The following ZNF665 variants were observed in gnomAD, a reference collection of about 807,000 sequenced individuals.
ZNF665 encodes zinc finger protein 665.
ZNF665 carries 6 observed loss-of-function variants against 7.9 expected under a neutral mutation model. The ratio of observed to expected loss-of-function variants is 0.76; its 90% CI spans 0.42 to 1.50. The LOEUF is 1.50. Ranked by LOEUF, ZNF665 falls within the 40% of genes most tolerant of loss-of-function variation. The pLI is 0.01. For missense variants in ZNF665, 819 were observed against 806.7 expected (o/e 1.02, Z -0.18); for synonymous variants, 242 against 274.5 (o/e 0.88, Z 1.17).
Position 53,165,332 on chromosome 19 carries a change from A to G in ZNF665, c.1158T>C (p.His386=). Residue 386 remains histidine (H), a synonymous_variant, in exon 4 of 4, where the codon CAT becomes CAC. Transcript: ENST00000396424. ...CNECGKAFSM[H]SNLTKHQIIH... is the part of the protein sequence containing the mutation. ...TGATCTGATGCTTAGTTAAGTTTGA[A>G]TGCATACTGAAGGCTTTCCCACACT... is the stretch of plus-strand genomic sequence containing the variant. The G allele has an allele frequency of 6.2e-7, 1 of 1,613,020 alleles. No individual in the cohort carries two copies. Among genetic ancestry groups the G allele is most frequent in the Non-Finnish European group, 8.5e-7 (1 of 1,179,488 alleles).
At chr19:53,173,949 A>G (rs1471180780) in intron 3 of ZNF665, among the ~76,000 whole-genome samples, 1 of 152,126 alleles carries the variant, frequency 6.6e-6, no homozygotes, top group Non-Finnish European at 1.5e-5. Flanking sequence ...CTTGTCACCC[A>G]CACCCACAAA....
At chr19:53,171,538 T>TTC (rs2090659254) in intron 3 of ZNF665, among the ~76,000 whole-genome samples, 1 of 125,234 alleles carries the variant, frequency 8.0e-6, no homozygotes, top group Non-Finnish European at 1.7e-5. Context: ...TTTTTTTTTT[T>TTC]TTCTTTTTTT....
At chr19:53,176,079 T>C (rs1422853936) in intron 2 of ZNF665, among the ~76,000 whole-genome samples, 2 of 152,150 alleles carry the variant, frequency 1.3e-5, no homozygotes, top group African/African-American at 4.8e-5. Context: ...CAGAATCACT[T>C]GAACCTGGGA....
In ZNF665 at chr19:53,173,468, G is replaced by A. The variant is rs537532342; in HGVS notation, c.142+1977C>T. ...CAGCTCGCTGCAACCTCTGCCTCCC[G>A]GGTTCAAGTGATTCTTCTGCCTCAG... is the stretch of plus-strand genomic sequence containing the variant. On this transcript the variant is annotated intron_variant, in intron 3 of 3. Transcript: ENST00000396424. Among the ~76,000 whole-genome samples, 28 of 143,546 alleles carry A rather than the reference G, an allele frequency of 2.0e-4. No individual in the cohort carries two copies. In the East Asian group the frequency reaches 2.9e-3, roughly 15 times the overall value. 94.2% of individuals were successfully genotyped at this position (143,546 alleles called of 152,430 possible).
chr19:53,169,171 G>A (rs1568656874), intron 3 of ZNF665, among the ~76,000 whole-genome samples: 1 of 152,032 alleles, frequency 6.6e-6, no homozygotes, highest in African/African-American at 2.4e-5. Flanking sequence ...ATCTGATAAA[G>A]ACTTTGTATC....
chr19:53,173,372 C>CTTTTTTTTT (rs34425717), intron 3 of ZNF665, among the ~76,000 whole-genome samples: 2 of 78,878 alleles, frequency 2.5e-5, no homozygotes, highest in Non-Finnish European at 4.6e-5. Context: ...TTTTTTCACT[C>CTTTTTTTTT]TTTTTTTTTT....
At chr19:53,172,347 T>C (rs928743214) in intron 3 of ZNF665, among the ~76,000 whole-genome samples, 1 of 152,164 alleles carries the variant, frequency 6.6e-6, no homozygotes, top group Admixed American at 6.5e-5. Flanking sequence ...AATTTCCACA[T>C]AATTTTTCAT....
At position 53,164,745 on chromosome 19, in the gene ZNF665, T is replaced by C. The variant is rs887290968; in HGVS notation, c.1745A>G (p.His582Arg). The C allele has an allele frequency of 4.3e-6, 7 of 1,614,092 alleles. No homozygotes were observed. The highest frequency in any genetic ancestry group is 2.7e-5 in the African/African-American group (2 of 74,930). ...GACCTGATGGGTAGCTAGGTTTGAA[T>C]GTACACTAAATGCTTTGCCGCACTC... Reference protein sequence around the residue: ...CNECGKAFSVHSNLATHQVIH... With the variant: ...CNECGKAFSVRSNLATHQVIH... Residue 582 changes from histidine (H) to arginine (R), a missense_variant, in exon 4 of 4, where the codon CAT (histidine) becomes CGT (arginine). By Grantham distance (29) the His-to-Arg change is conservative. Transcript: ENST00000396424.
Position 53,193,311 on chromosome 19 carries a change from C to G in ZNF665, c.-46+1G>C, listed in dbSNP as rs2090832551. ...TTTAATCTAGATAGAGGGAAACTCA[C>G]GCGGCGACTAACAGCCTTCACTCCA... On this transcript the variant is annotated splice_donor_variant, in intron 1 of 3. Transcript: ENST00000396424. LOFTEE classifies it low-confidence loss of function (5UTR_SPLICE). 6.6e-6 allele frequency: 1 copy of G among 152,148 alleles called. No homozygotes were observed. Among genetic ancestry groups the G allele is most frequent in the African/African-American group, 2.4e-5 (1 of 41,376 alleles). The allele number at this position is 152,148 out of a possible 1,614,324, so 9.4% of individuals were successfully genotyped here. A position where few individuals can be genotyped will look rare whatever the true frequency, so the allele number is the denominator to read the frequency against.
At position 53,165,807 on chromosome 19, in the gene ZNF665, T is replaced by C. The variant is rs767830924; in HGVS notation, c.683A>G (p.His228Arg). 5.0e-6 allele frequency: 8 copies of C among 1,614,190 alleles called. No individual in the cohort carries two copies. Among genetic ancestry groups the C allele is most frequent in the Non-Finnish European group, 5.9e-6 (7 of 1,180,024 alleles). Residue 228 changes from histidine to arginine, a missense_variant, in exon 4 of 4, where the codon CAT (histidine) becomes CGT (arginine). Physicochemically the swap from His to Arg is conservative, Grantham distance 29 (BLOSUM62 0). Coordinates refer to ENST00000396424, the MANE Select transcript of ZNF665 (RefSeq NM_024733.5). ...RSNLTIHQVI[H>R]TGEKPYKCNE... The stretch of plus-strand genomic sequence containing the variant: ...ACATTTGTAAGGTTTTTCTCCAGTA[T>C]GGATGACCTGATGGATTGTTAGGTT...
rs967568627 is a variant in ZNF665, at chr19:53,165,740, T to A, written c.750A>T (p.Ala250=). 6.2e-7 allele frequency: 1 copy of A among 1,614,100 alleles called. No homozygotes were observed. The highest frequency in any genetic ancestry group is 1.7e-5 in the Admixed American group (1 of 60,012). ...CTCCAGTATGAATTCTCTGATGACC[T>A]GCAAGGTTTGAAGGTTGACTGAAGA... ...GKVFSQPSNL[A]GHQRIHTGEK... The change falls in exon 4 of 4, where the codon GCA becomes GCT. Residue 250 remains alanine, a synonymous_variant. Transcript: ENST00000396424.
intron 1 of ZNF665, among the ~76,000 whole-genome samples, chr19:53,183,798 A>G (rs1246560646): frequency 6.6e-6 from 1 of 152,164 alleles, no homozygotes; most frequent in African/African-American, 2.4e-5. Flanking sequence ...GAAGGCCCTG[A>G]GGCAGGAGCA....
chr19:53,183,766 T>C (rs1484391648), intron 1 of ZNF665, among the ~76,000 whole-genome samples: 3 of 152,052 alleles, frequency 2.0e-5, no homozygotes, highest in Non-Finnish European at 4.4e-5. Flanking sequence ...GCCAGAGTCC[T>C]AGGCAGAGGG....
chr19:53,164,976 C>G lies in ZNF665; in HGVS notation c.1514G>C (p.Trp505Ser), dbSNP rs2090595820. Residue 505 changes from tryptophan to serine, a missense_variant, in exon 4 of 4, where the codon TGG (tryptophan) becomes TCG (serine). Physicochemically the swap from Trp to Ser is radical, Grantham distance 177. Coordinates refer to ENST00000396424, the MANE Select transcript of ZNF665 (RefSeq NM_024733.5). ...AGGTTTTTCTCCAGTATGAACTCTCCAATGCCTTGCAAGTTGTGATGTTTG... is the reference window on the plus strand; with the variant it reads ...AGGTTTTTCTCCAGTATGAACTCTCGAATGCCTTGCAAGTTGTGATGTTTG... ...FSQTSQLARH[W>S]RVHTGEKPYK... 6.2e-7 allele frequency: 1 copy of G among 1,613,790 alleles called. No homozygotes were observed. The highest frequency in any genetic ancestry group is 8.5e-7 in the Non-Finnish European group (1 of 1,179,934).
At position 53,164,617 on chromosome 19, in the gene ZNF665, G is replaced by A; in HGVS notation, c.1873C>T (p.Pro625Ser). Residue 625 changes from proline to serine, a missense_variant, in exon 4 of 4, where the codon CCT becomes TCT. Pro to Ser is a moderately conservative substitution (Grantham distance 74, BLOSUM62 -1). Transcript: ENST00000396424. ...NHRRIHTGEK[P>S]YRCNECGKAF... is the part of the protein sequence containing the mutation. ...TTCCCACACTCATTACACCTATAAG[G>A]TTTTTCTCCAGTGTGAATTCTTCTA... is the stretch of plus-strand genomic sequence containing the variant. The A allele has an allele frequency of 3.7e-6, 6 of 1,614,124 alleles. No individual in the cohort carries two copies. Among genetic ancestry groups the A allele is most frequent in the Non-Finnish European group, 5.1e-6 (6 of 1,180,010 alleles).
At chr19:53,170,282 TG>T (rs1299493614) in intron 3 of ZNF665, among the ~76,000 whole-genome samples, 1 of 152,188 alleles carries the variant, frequency 6.6e-6, no homozygotes, top group African/African-American at 2.4e-5. Flanking sequence ...TATTGTATAA[TG>T]GCAAACTACA....
chr19:53,171,509 T>C (rs2090657270), intron 3 of ZNF665, among the ~76,000 whole-genome samples: 1 of 77,158 alleles, frequency 1.3e-5, no homozygotes, highest in African/African-American at 5.4e-5. Flanking sequence ...TGTGTGTATA[T>C]ATATATATAT....
At chr19:53,170,791 G>T (rs1362233510) in intron 3 of ZNF665, among the ~76,000 whole-genome samples, 1 of 152,056 alleles carries the variant, frequency 6.6e-6, no homozygotes, top group Non-Finnish European at 1.5e-5. Flanking sequence ...CTTGACCCTT[G>T]GACAATGTAG....
intron 2 of ZNF665, chr19:53,180,829 C>G (rs1039234834): frequency 6.6e-6 from 1 of 152,092 alleles, no homozygotes; most frequent in Non-Finnish European, 1.5e-5. Context: ...ATTAAAAGTA[C>G]AGATACCATT....
Sources: gnomAD v4.1 joint callset for allele counts (sites outside exome capture counted in the v4.1 genomes callset) on GRCh38, gnomAD v4.1.1 for gene constraint, MANE v1.5 for transcripts, NCBI Gene and HGNC (gene_info 2026-07-23, HGNC 2026-07-21) for gene names.